ACAA1: variants seen among roughly 807,000 people sequenced by gnomAD.
ACAA1 encodes the protein acetyl-CoA acyltransferase 1.
A neutral mutation model predicts 48.8 loss-of-function variants in ACAA1; 44 were observed. That is an observed-to-expected ratio of 0.90 (90% CI 0.71 to 1.16). The LOEUF (loss-of-function observed/expected upper bound fraction) is 1.16. ACAA1 is among the 50% of genes most tolerant of loss of function. The probability of loss-of-function intolerance (pLI) is 0.00; values close to 1 mark genes in which losing one functional copy is unlikely to be tolerated. For missense variants in ACAA1, 512 were observed against 562.3 expected (o/e 0.91, Z 0.90); for synonymous variants, 233 against 226.5 (o/e 1.03, Z -0.26).
intron 4 of ACAA1, 47 bp downstream of exon 4, chr3:38,131,879 C>CT (rs760346891): frequency 6.4e-7 from 1 of 1,563,314 alleles, no homozygotes; most frequent in South Asian, 1.1e-5. Context: ...TTTGCTGACC[C>CT]AAACCCACAG....
At chr3:38,131,474 C>T (rs1043927837) in intron 5 of ACAA1, 122 bp downstream of exon 5, 199 of 1,020,850 alleles carry the variant, frequency 1.9e-4, no homozygotes, top group Non-Finnish European at 2.8e-4. Flanking sequence ...AGAACCCACT[C>T]GTGGCCAGCT....
chr3:38,129,406 G>A lies in ACAA1; in HGVS notation c.447-18C>T. The A allele has an allele frequency of 6.3e-7, 1 of 1,599,488 alleles. No individual in the cohort carries two copies. The highest frequency in any genetic ancestry group is 8.6e-7 in the Non-Finnish European group (1 of 1,167,032). On this transcript the variant is annotated intron_variant, in intron 5 of 11. Coordinates refer to ENST00000333167, the MANE Select transcript of ACAA1 (RefSeq NM_001607.4). This position sits in a 1 kb window ranked among gnomAD's most constrained non-coding sequence, Gnocchi z 5.3. ...ACTCCACCCTGGGGAGGAGGAAGAG[G>A]AGGAGAAGGTAAGGTGAACTGGGCC...
intron 2 of ACAA1, 94 bp from the exon 3 acceptor site, chr3:38,134,103 T>C (rs1368695247): frequency 4.7e-6 from 6 of 1,286,774 alleles, no homozygotes. Flanking sequence ...TTCCAGATCT[T>C]TCTTCGGGAC....
At position 38,129,785 on chromosome 3, in the gene ACAA1, GTAAC is replaced by G. The variant is rs565188813; in HGVS notation, c.447-401_447-398del. On this transcript the variant is annotated intron_variant, in intron 5 of 11. Transcript: ENST00000333167. This position sits in a 1 kb window ranked among gnomAD's most constrained non-coding sequence, Gnocchi z 5.3. Reference sequence around the variant, plus strand: ...AGAAGGGAGAAGAGACAATTTGAAAGTAACCACAGGCCGGCTGTGGTGGCTCACG... The same window carrying G: ...AGAAGGGAGAAGAGACAATTTGAAAGCACAGGCCGGCTGTGGTGGCTCACG... Among the ~76,000 whole-genome samples, 30 of 152,346 alleles carry G rather than the reference GTAAC, an allele frequency of 2.0e-4. No homozygotes were observed. Among genetic ancestry groups the G allele is most frequent in the African/African-American group, 6.5e-4 (27 of 41,588 alleles).
intron 11 of ACAA1, 143 bp from the exon 12 acceptor site, chr3:38,123,265 A>C: frequency 1.4e-6 from 1 of 707,492 alleles, no homozygotes; most frequent in Non-Finnish European, 2.5e-6. Flanking sequence ...CTGGCCTCCC[A>C]CTTGGGCACA....
chr3:38,135,983 G>A (rs1700883404), intron 2 of ACAA1, among the ~76,000 whole-genome samples: 2 of 152,196 alleles, frequency 1.3e-5, no homozygotes, highest in Non-Finnish European at 2.9e-5. Flanking sequence ...TTGGGCAGAG[G>A]TCCCTGCGGC....
intron 6 of ACAA1, among the ~76,000 whole-genome samples, chr3:38,128,479 C>A (rs1313216915): frequency 6.6e-6 from 1 of 152,240 alleles, no homozygotes; most frequent in South Asian, 2.1e-4. Context: ...TGCCCCTCTC[C>A]AAGCCTCAGT....
rs1230063442 is a variant in ACAA1 at position 38,123,054 on chromosome 3, C to T, written c.1268G>A (p.Gly423Glu). The T allele has an allele frequency of 6.2e-7, 1 of 1,614,040 alleles. No individual in the cohort carries two copies. Among genetic ancestry groups the T allele is most frequent in the Admixed American group, 1.7e-5 (1 of 60,008 alleles). The change falls in exon 12 of 12, where the codon GGG becomes GAG. Residue 423 changes from glycine (G) to glutamate (E), a missense_variant. Coordinates refer to ENST00000333167, the MANE Select transcript of ACAA1 (RefSeq NM_001607.4). ...MGAAAVFEYPGN is the reference protein window; with the variant it reads ...MGAAAVFEYPEN ...TCCAGCCTGGGACCTCACTCAGTTCCCAGGGTATTCAAAGACGGCAGCGGC... is the reference window on the plus strand; with the variant it reads ...TCCAGCCTGGGACCTCACTCAGTTCTCAGGGTATTCAAAGACGGCAGCGGC...
At chr3:38,123,511 A>C (rs938101507) in intron 11 of ACAA1, 4 of 178,906 alleles carry the variant, frequency 2.2e-5, no homozygotes, top group Non-Finnish European at 3.5e-5. Flanking sequence ...ACAATCCTAA[A>C]AGATCAAAAT....
At chr3:38,124,043 G>T (rs1404883925) in intron 11 of ACAA1, 1 of 151,742 alleles carries the variant, frequency 6.6e-6, no homozygotes, top group Non-Finnish European at 1.5e-5. Flanking sequence ...TTTTAAAAGG[G>T]GATTTATTTG....
At position 38,126,999 on chromosome 3, in the gene ACAA1, A is replaced by G. The variant is rs551644923; in HGVS notation, c.627-299T>C. 1.3e-5 allele frequency among the ~76,000 whole-genome samples: 2 copies of G among 152,338 alleles called. No homozygotes were observed. Among genetic ancestry groups the G allele is most frequent in the African/African-American group, 4.8e-5 (2 of 41,572 alleles). ...TTAAGCCTGCTTGATTCTCTCTGCT[A>G]AACTGAGGATGGAACCCCAGAAATA... On this transcript the variant is annotated intron_variant, in intron 7 of 11. Transcript: ENST00000333167. This position sits in a 1 kb window ranked among gnomAD's most constrained non-coding sequence, Gnocchi z 4.7.
chr3:38,126,862 C>A lies in ACAA1; in HGVS notation c.627-162G>T, dbSNP rs905497264. The stretch of plus-strand genomic sequence containing the variant: ...AGGGCATGGCTAAGGCCTTACAGGG[C>A]CTTCTTCACCATCAGCCCCAGACCT... On this transcript the variant is annotated intron_variant, in intron 7 of 11. Coordinates refer to ENST00000333167, the MANE Select transcript of ACAA1 (RefSeq NM_001607.4). The surrounding 1 kb of genome is among the most constrained non-coding windows in gnomAD (Gnocchi z 4.7). 3.9e-5 allele frequency among the ~76,000 whole-genome samples: 6 copies of A among 152,330 alleles called. No homozygotes were observed. Among genetic ancestry groups the A allele is most frequent in the Non-Finnish European group, 8.8e-5 (6 of 68,034 alleles).
chr3:38,126,756 G>T lies in ACAA1; in HGVS notation c.627-56C>A. 6.3e-7 allele frequency: 1 copy of T among 1,598,976 alleles called. No individual in the cohort carries two copies. Among genetic ancestry groups the T allele is most frequent in the Non-Finnish European group, 8.5e-7 (1 of 1,171,040 alleles). On this transcript the variant is annotated intron_variant, in intron 7 of 11. Coordinates refer to ENST00000333167, the MANE Select transcript of ACAA1 (RefSeq NM_001607.4). This position sits in a 1 kb window ranked among gnomAD's most constrained non-coding sequence, Gnocchi z 4.7. ...CTCCCTTGGGGTTCCCTTCCTCCCT[G>T]CCCCCAACCCCTATCCATTTGGGTA...
intron 7 of ACAA1, among the ~76,000 whole-genome samples, chr3:38,127,141 T>A (rs573041820): frequency 6.6e-6 from 1 of 152,354 alleles, no homozygotes; most frequent in Admixed American, 6.5e-5. Context: ...TTTTTGTATT[T>A]AAGCAATTTT....
chr3:38,127,701 G>T, intron 7 of ACAA1, 85 bp downstream of exon 7: 1 of 1,429,136 alleles, frequency 7.0e-7, no homozygotes, highest in Non-Finnish European at 9.8e-7. Context: ...CAGTAACCAC[G>T]AAATGGTGCC....
At position 38,137,001 on chromosome 3, in the gene ACAA1, C is replaced by T. The variant is rs368350978; in HGVS notation, c.35G>A (p.Arg12Lys). ...QRLQVVLGHLRGPADSGWMPQ... is the reference protein window; with the variant it reads ...QRLQVVLGHLKGPADSGWMPQ... ...CATCCAGCCGGAATCGGCCGGACCC[C>T]TCAGGTGGCCCAGCACTACCTGCAG... Residue 12 changes from arginine to lysine, a missense_variant, in exon 1 of 12, where the codon AGG (arginine) becomes AAG (lysine). Transcript: ENST00000333167. 1.9e-5 allele frequency: 29 copies of T among 1,566,146 alleles called. No homozygotes were observed. The African/African-American group carries it at 3.6e-4, about 19-fold the overall frequency.
intron 7 of ACAA1, among the ~76,000 whole-genome samples, chr3:38,127,066 G>A (rs989427064): frequency 6.6e-6 from 1 of 151,994 alleles, no homozygotes; most frequent in Non-Finnish European, 1.5e-5. Context: ...AAACTCAACA[G>A]TTCGATGTCA....
In ACAA1 at chr3:38,136,910, G is replaced by C; in HGVS notation, c.126C>G (p.His42Gln). 2.6e-6 allele frequency: 4 copies of C among 1,536,078 alleles called. No individual in the cohort carries two copies. The highest frequency in any genetic ancestry group is 3.5e-6 in the Non-Finnish European group (4 of 1,144,724). The change falls in exon 1 of 12, where the codon CAC (histidine) becomes CAG (glutamine). Residue 42 changes from histidine (H) to glutamine (Q), a missense_variant. Transcript: ENST00000333167. ...QASAADVVVV[H>Q]GRRTAICRAG... is the part of the protein sequence containing the mutation. The stretch of plus-strand genomic sequence containing the variant: ...CCCGGCAGATGGCCGTGCGCCGCCC[G>C]TGCACCACCACCACGTCCGCGGCCG...
chr3:38,126,709 A>G lies in ACAA1; in HGVS notation c.627-9T>C, dbSNP rs1430078665. On this transcript the variant is annotated splice_polypyrimidine_tract_variant and intron_variant, in intron 7 of 11. Coordinates refer to ENST00000333167, the MANE Select transcript of ACAA1 (RefSeq NM_001607.4). This position sits in a 1 kb window ranked among gnomAD's most constrained non-coding sequence, Gnocchi z 4.7. Reference sequence around the variant, plus strand: ...TCTGGGCTCTTGCTGCCCTGCCAGCACCATGGACAGCCAGCTTCAGACTCC... The same window carrying G: ...TCTGGGCTCTTGCTGCCCTGCCAGCGCCATGGACAGCCAGCTTCAGACTCC... 2.2e-5 allele frequency: 35 copies of G among 1,612,938 alleles called. No individual in the cohort carries two copies. In the Middle Eastern group the frequency reaches 5.8e-4, roughly 27 times the overall value.
Sources: allele counts gnomAD v4.1 joint callset (sites outside exome capture counted in the v4.1 genomes callset), GRCh38; gene constraint gnomAD v4.1.1; non-coding constraint Gnocchi (gnomAD v3.1); transcripts MANE v1.5; gene names NCBI Gene and HGNC (gene_info 2026-07-23, HGNC 2026-07-21).